Variants in SNX24 observed in about 807,000 individuals in gnomAD.
SNX24 encodes sorting nexin 24, also known as sorting nexin-24.
In SNX24, 22 loss-of-function variants were observed where a neutral mutation model predicts 28.7. The observed-to-expected ratio is 0.77, with a 90% CI of 0.55 to 1.10. The LOEUF (loss-of-function observed/expected upper bound fraction) is 1.10, where lower values mean the gene tolerates loss of function less well. Among genes scored for constraint, SNX24 ranks in the 50% least tolerant of loss-of-function variants. The pLI, the probability that SNX24 is intolerant of heterozygous loss-of-function variation, is 0.00. For synonymous variants in SNX24, 69 were observed against 71.5 expected, an observed-to-expected ratio of 0.96 and a Z score of 0.18; for missense variants, 221 against 201.1, an observed-to-expected ratio of 1.10 and a Z score of -0.60.
chr5:122,961,235 C>A (rs1760477149), intron 3 of SNX24, among the ~76,000 whole-genome samples: 1 of 152,178 alleles, frequency 6.6e-6, no homozygotes, highest in African/African-American at 2.4e-5. Context: ...CACCCTAACC[C>A]TGACAACTCA....
chr5:123,001,447 A>T lies in SNX24; in HGVS notation c.377+10A>T. 1.3e-6 allele frequency: 2 copies of T among 1,579,418 alleles called. No individual in the cohort carries two copies. Reference sequence around the variant, plus strand: ...AGTCTGAAGAGTCAAGGTAAGGACTAATCCTCATCAGCCAGGAATAGGATT... The same window carrying T: ...AGTCTGAAGAGTCAAGGTAAGGACTTATCCTCATCAGCCAGGAATAGGATT... On this transcript the variant is annotated intron_variant, in intron 5 of 6. Coordinates refer to ENST00000261369, the MANE Select transcript of SNX24 (RefSeq NM_014035.4).
Position 122,946,615 on chromosome 5 carries a change from C to A in SNX24, c.249+456C>A, listed in dbSNP as rs544772103. ...ATTGAAAAGGAATGTATAAAAATTG[C>A]CGATGATGAAGTGCCAACCTCTTTG... On this transcript the variant is annotated intron_variant, in intron 3 of 6. Transcript: ENST00000261369. Among the ~76,000 whole-genome samples the A allele has an allele frequency of 1.0e-3, 156 of 152,112 alleles. 1 individual carries two copies. Among genetic ancestry groups the A allele is most frequent in the African/African-American group, 3.5e-3 (145 of 41,478 alleles).
intron 3 of SNX24, among the ~76,000 whole-genome samples, chr5:122,990,946 G>C (rs1279018601): frequency 6.6e-6 from 1 of 152,052 alleles, no homozygotes; most frequent in Non-Finnish European, 1.5e-5. Context: ...CTGTTGTCTG[G>C]AGTGCAGTGG....
chr5:122,960,494 T>C (rs1760441740), intron 3 of SNX24, among the ~76,000 whole-genome samples: 1 of 152,250 alleles, frequency 6.6e-6, no homozygotes. Flanking sequence ...TATTATTAAA[T>C]TTCCTAAAAT....
intron 3 of SNX24, among the ~76,000 whole-genome samples, chr5:122,987,786 T>G (rs1174302771): frequency 1.3e-5 from 2 of 152,176 alleles, no homozygotes; most frequent in South Asian, 2.1e-4. Context: ...ACAGAAGGCC[T>G]TTATTGGAAC....
intron 3 of SNX24, among the ~76,000 whole-genome samples, chr5:122,976,677 G>A (rs1489369689): frequency 6.6e-6 from 1 of 152,206 alleles, no homozygotes; most frequent in East Asian, 1.9e-4. Context: ...AAGTGTCAAG[G>A]AAGAGAAGCC....
intron 1 of SNX24, among the ~76,000 whole-genome samples, chr5:122,921,312 T>A (rs774131579): frequency 7.2e-5 from 11 of 152,202 alleles, no homozygotes; most frequent in Admixed American, 1.3e-4. Context: ...AAGGATAGCT[T>A]TGGCAAAGCC....
At chr5:122,929,468 A>G (rs981854700) in intron 1 of SNX24, among the ~76,000 whole-genome samples, 2 of 152,020 alleles carry the variant, frequency 1.3e-5, no homozygotes, top group African/African-American at 4.8e-5. Context: ...ACGTTGCCTT[A>G]TAAATTACTA....
chr5:122,891,601 TC>T (rs1404185530), intron 1 of SNX24, among the ~76,000 whole-genome samples: 34 of 152,320 alleles, frequency 2.2e-4, no homozygotes, highest in African/African-American at 8.2e-4. Context: ...TTTCCACACT[TC>T]CTGCTCTTTA....
intron 1 of SNX24, among the ~76,000 whole-genome samples, chr5:122,911,366 T>G (rs914374375): frequency 6.6e-6 from 1 of 152,204 alleles, no homozygotes; most frequent in African/African-American, 2.4e-5. Flanking sequence ...ATTCTGGATA[T>G]TAGCCCTTCG....
At chr5:122,919,566 T>A (rs921127123) in intron 1 of SNX24, among the ~76,000 whole-genome samples, 4 of 151,940 alleles carry the variant, frequency 2.6e-5, no homozygotes, top group Non-Finnish European at 5.9e-5. Flanking sequence ...AAATTAGTCA[T>A]TTTAGTTTTT....
chr5:122,875,343 A>C (rs1032123015), intron 1 of SNX24, among the ~76,000 whole-genome samples: 1 of 152,246 alleles, frequency 6.6e-6, no homozygotes, highest in Non-Finnish European at 1.5e-5. Context: ...CTCAGATATT[A>C]AGATTTCATG....
At position 122,987,375 on chromosome 5, in the gene SNX24, CTG is replaced by C. The variant is rs1338739797; in HGVS notation, c.250-12535_250-12534del. ...AACTCTCTGGGTTGGACCAAGCAAA[CTG>C]TTTTAACAAGCCCTCTAGGCGATTC... On this transcript the variant is annotated intron_variant, in intron 3 of 6. Coordinates refer to ENST00000261369, the MANE Select transcript of SNX24 (RefSeq NM_014035.4). 5.3e-5 allele frequency among the ~76,000 whole-genome samples: 8 copies of C among 152,310 alleles called. No homozygotes were observed. The East Asian group carries it at 1.5e-3, about 29-fold the overall frequency.
At chr5:122,973,447 A>G (rs995846197) in intron 3 of SNX24, among the ~76,000 whole-genome samples, 4 of 152,168 alleles carry the variant, frequency 2.6e-5, no homozygotes, top group African/African-American at 9.6e-5. Flanking sequence ...ATCATGCAGA[A>G]CCATATGTGA....
At chr5:122,888,849 G>A (rs1037079924) in intron 1 of SNX24, among the ~76,000 whole-genome samples, 2 of 152,094 alleles carry the variant, frequency 1.3e-5, no homozygotes, top group Non-Finnish European at 2.9e-5. Context: ...TAGATGTAAT[G>A]GGATAACTTT....
At chr5:122,920,973 G>C (rs1239346397) in intron 1 of SNX24, among the ~76,000 whole-genome samples, 1 of 151,988 alleles carries the variant, frequency 6.6e-6, no homozygotes, top group Non-Finnish European at 1.5e-5. Context: ...TGATTTTCCT[G>C]CCTCAGCCTC....
Position 123,008,754 on chromosome 5 carries a change from G to A in SNX24, c.*1005G>A, listed in dbSNP as rs1394918980. 8 of 527,036 alleles carry A rather than the reference G, an allele frequency of 1.5e-5. No individual in the cohort carries two copies. Among genetic ancestry groups the A allele is most frequent in the East Asian group, 3.0e-4 (2 of 6,744 alleles). The allele number at this position is 527,036 out of a possible 1,614,324, so 32.6% of individuals were successfully genotyped here. A position where few individuals can be genotyped will look rare whatever the true frequency, so the allele number is the denominator to read the frequency against. ...CAGGATTTCATGTTATTTTCCTTAC[G>A]GCTTCCTTTTCACTGACCTCATTTG... On this transcript the variant is annotated 3_prime_UTR_variant, in exon 7 of 7. Coordinates refer to ENST00000261369, the MANE Select transcript of SNX24 (RefSeq NM_014035.4).
intron 1 of SNX24, among the ~76,000 whole-genome samples, chr5:122,850,671 T>C (rs1754870227): frequency 6.6e-6 from 1 of 151,798 alleles, no homozygotes; most frequent in South Asian, 2.1e-4. Flanking sequence ...AGGGCAGATA[T>C]TTCATTTGGG....
intron 5 of SNX24, among the ~76,000 whole-genome samples, chr5:123,001,725 A>G (rs1404858473): frequency 6.6e-6 from 1 of 152,218 alleles, no homozygotes; most frequent in Non-Finnish European, 1.5e-5. Flanking sequence ...TATAGATTGT[A>G]TATTTGCTTC....
Sources: allele counts gnomAD v4.1 joint callset (sites outside exome capture counted in the v4.1 genomes callset), GRCh38; gene constraint gnomAD v4.1.1; transcripts MANE v1.5; gene names NCBI Gene and HGNC (gene_info 2026-07-23, HGNC 2026-07-21).